The following TMC1 variants were observed in gnomAD, a reference collection of about 807,000 sequenced individuals.
TMC1 encodes transmembrane channel like 1, also known as transmembrane channel-like protein 1.
In TMC1, 84 loss-of-function variants were observed where a neutral mutation model predicts 105.8. The observed-to-expected ratio is 0.79, with a 90% CI of 0.67 to 0.95. TMC1 has a LOEUF of 0.95. TMC1 is among the 40% of genes least tolerant of loss of function. TMC1 has a pLI of 0.00. For missense variants in TMC1, 817 were observed against 914.1 expected, an observed-to-expected ratio of 0.89 and a Z score of 1.37; for synonymous variants, 315 against 311.5, an observed-to-expected ratio of 1.01 and a Z score of -0.12.
In TMC1 at chr9:72,683,847, G is replaced by A. The variant is rs1369459675; in HGVS notation, c.17-4862G>A. On this transcript the variant is annotated intron_variant, in intron 5 of 23. Transcript: ENST00000297784. ...TTTGCTTTATGCTTATTCTTTTCCA[G>A]TATCATTTACTGTAATTCTCACCCC... Among the ~76,000 whole-genome samples, 11 of 144,138 alleles carry A rather than the reference G, an allele frequency of 7.6e-5. No individual in the cohort carries two copies. The Admixed American group carries it at 8.0e-4, about 10-fold the overall frequency. The allele number at this position is 144,138 out of a possible 152,430, so 94.6% of individuals were successfully genotyped here. A position where few individuals can be genotyped will look rare whatever the true frequency, so the allele number is the denominator to read the frequency against.
intron 3 of TMC1, among the ~76,000 whole-genome samples, chr9:72,619,537 A>G (rs1825204026): frequency 6.6e-6 from 1 of 152,150 alleles, no homozygotes. Context: ...TAGTTGCTAT[A>G]TCTGTGTGGC....
chr9:72,672,705 A>G (rs1236123851), intron 5 of TMC1, among the ~76,000 whole-genome samples: 1 of 152,190 alleles, frequency 6.6e-6, no homozygotes, highest in East Asian at 1.9e-4. Flanking sequence ...GAAAACCTCC[A>G]AAATATTATC....
chr9:72,721,609 G>A (rs1195624696), intron 8 of TMC1, among the ~76,000 whole-genome samples: 3 of 152,148 alleles, frequency 2.0e-5, no homozygotes, highest in Non-Finnish European at 4.4e-5. Flanking sequence ...CAATAGCAGA[G>A]CATAAAACTA....
At chr9:72,788,236 T>C (rs1828202365) in intron 13 of TMC1, 103 bp from the exon 14 acceptor site, 7 of 1,240,802 alleles carry the variant, frequency 5.6e-6, no homozygotes, top group African/African-American at 1.5e-5. Context: ...ATATATGTCT[T>C]TTTGCTATTG....
chr9:72,719,134 AAAGC>A (rs1313452494), intron 8 of TMC1, among the ~76,000 whole-genome samples: 4 of 152,142 alleles, frequency 2.6e-5, no homozygotes, highest in African/African-American at 4.8e-5. Flanking sequence ...CCTGGTTGAG[AAAGC>A]AAGCGGGGCT....
intron 8 of TMC1, among the ~76,000 whole-genome samples, chr9:72,726,666 C>T (rs760485131): frequency 6.6e-6 from 1 of 152,162 alleles, no homozygotes. Context: ...CGTTTAAAAG[C>T]ATCATTTTAA....
At chr9:72,781,431 C>A (rs1828091643) in intron 13 of TMC1, among the ~76,000 whole-genome samples, 1 of 151,806 alleles carries the variant, frequency 6.6e-6, no homozygotes, top group Non-Finnish European at 1.5e-5. Context: ...GCACACCAAC[C>A]CCAAAGCTAG....
At chr9:72,713,692 G>C (rs1444276375) in intron 8 of TMC1, among the ~76,000 whole-genome samples, 1 of 147,314 alleles carries the variant, frequency 6.8e-6, no homozygotes, top group Non-Finnish European at 1.5e-5. Context: ...GCTAGTTGTT[G>C]ATCTTTCAAA....
chr9:72,634,516 C>T (rs1825501804), intron 4 of TMC1, among the ~76,000 whole-genome samples: 1 of 152,116 alleles, frequency 6.6e-6, no homozygotes, highest in Non-Finnish European at 1.5e-5. Context: ...AGTCCCCCAC[C>T]AAGGAGGGCA....
intron 17 of TMC1, among the ~76,000 whole-genome samples, chr9:72,796,984 G>A (rs567527646): frequency 2.9e-4 from 44 of 152,020 alleles, no homozygotes; most frequent in Admixed American, 7.2e-4. Flanking sequence ...CCATTACCCC[G>A]GCCCAAAAGC....
chr9:72,625,704 A>G (rs1033479771), intron 3 of TMC1, among the ~76,000 whole-genome samples: 1 of 147,460 alleles, frequency 6.8e-6, no homozygotes, highest in East Asian at 2.0e-4. Flanking sequence ...AAAAAAAAGA[A>G]AAAAAAAAAG....
intron 7 of TMC1, among the ~76,000 whole-genome samples, chr9:72,698,966 A>T (rs1392175715): frequency 6.6e-6 from 1 of 152,188 alleles, no homozygotes; most frequent in African/African-American, 2.4e-5. Flanking sequence ...GCCACAGGAA[A>T]GACGGAGACC....
intron 4 of TMC1, among the ~76,000 whole-genome samples, chr9:72,637,649 T>G (rs1396115844): frequency 6.6e-6 from 1 of 152,240 alleles, no homozygotes; most frequent in Non-Finnish European, 1.5e-5. Context: ...GAAGTCCCAC[T>G]GTAGTAAATA....
In TMC1 at chr9:72,694,609, G is replaced by T; in HGVS notation, c.131G>T (p.Arg44Leu). ...RRESLRPKRK[R>L]TRDVINEDDP... The stretch of plus-strand genomic sequence containing the variant: ...GAGAGCTTGAGACCAAAGAGGAAAC[G>T]GACCAGAGATGTTATCAATGAGGAT... Residue 44 changes from arginine (R) to leucine (L), a missense_variant, in exon 7 of 24, where the codon CGG (arginine) becomes CTG (leucine). Arg to Leu is a moderately radical substitution (Grantham distance 102, BLOSUM62 -2). Coordinates refer to ENST00000297784, the MANE Select transcript of TMC1 (RefSeq NM_138691.3). 6.2e-7 allele frequency: 1 copy of T among 1,613,040 alleles called. No individual in the cohort carries two copies. Among genetic ancestry groups the T allele is most frequent in the Admixed American group, 1.7e-5 (1 of 59,878 alleles).
At chr9:72,541,184 A>G (rs1014071617) in intron 1 of TMC1, among the ~76,000 whole-genome samples, 1 of 152,172 alleles carries the variant, frequency 6.6e-6, no homozygotes, top group Non-Finnish European at 1.5e-5. Context: ...TAGCTCTTAC[A>G]GTGCTAGCCA....
intron 5 of TMC1, among the ~76,000 whole-genome samples, chr9:72,664,378 G>C (rs1311367590): frequency 6.6e-6 from 1 of 152,176 alleles, no homozygotes; most frequent in Non-Finnish European, 1.5e-5. Flanking sequence ...GAAGAGGGCA[G>C]TTCCCTGGCA....
chr9:72,811,724 G>A (rs557064814), intron 18 of TMC1, among the ~76,000 whole-genome samples: 86 of 152,196 alleles, frequency 5.7e-4, no homozygotes, highest in Non-Finnish European at 9.1e-4. Context: ...AGTGAGAGCC[G>A]AACAGCGATG....
intron 5 of TMC1, among the ~76,000 whole-genome samples, chr9:72,683,679 A>C (rs1826325817): frequency 7.0e-6 from 1 of 142,396 alleles, no homozygotes; most frequent in African/African-American, 2.5e-5. Context: ...TAAAAGCAAA[A>C]TATTAATAGT....
intron 10 of TMC1, 74 bp downstream of exon 10, chr9:72,742,599 G>C: frequency 2.4e-6 from 3 of 1,237,546 alleles, no homozygotes; most frequent in Non-Finnish European, 2.4e-6. Flanking sequence ...AGATGCCTTT[G>C]TCAGTTTCTG....
Sources: allele counts gnomAD v4.1 joint callset (sites outside exome capture counted in the v4.1 genomes callset), GRCh38; gene constraint gnomAD v4.1.1; transcripts MANE v1.5; gene names NCBI Gene and HGNC (gene_info 2026-07-23, HGNC 2026-07-21).